PTPN2: variants seen among roughly 807,000 people sequenced by gnomAD.
PTPN2 encodes tyrosine-protein phosphatase non-receptor type 2.
In PTPN2, 19 loss-of-function variants were observed where a neutral mutation model predicts 57.3. The ratio of observed to expected loss-of-function variants is 0.33; its 90% CI spans 0.23 to 0.49. The LOEUF (loss-of-function observed/expected upper bound fraction) is 0.49. Among genes scored for constraint, PTPN2 ranks in the 20% least tolerant of loss-of-function variants. PTPN2 has a pLI of 0.99. For missense variants in PTPN2, 358 were observed against 501.1 expected, an observed-to-expected ratio of 0.71 and a Z score of 2.73; for synonymous variants, 153 against 164.9, an observed-to-expected ratio of 0.93 and a Z score of 0.55.
At chr18:12,807,908 G>T (rs548414010) in intron 7 of PTPN2, among the ~76,000 whole-genome samples, 1 of 152,154 alleles carries the variant, frequency 6.6e-6, no homozygotes, top group East Asian at 1.9e-4. Flanking sequence ...TTCAGACAGG[G>T]TGTGGTGGCT....
At chr18:12,809,260 T>C (rs2041808546) in intron 7 of PTPN2, among the ~76,000 whole-genome samples, 1 of 152,158 alleles carries the variant, frequency 6.6e-6, no homozygotes, top group African/African-American at 2.4e-5. Context: ...TTGTGATTAA[T>C]GAGATGGCAT....
At chr18:12,843,773 A>C (rs1432634563) in intron 2 of PTPN2, 8 of 152,684 alleles carry the variant, frequency 5.2e-5, no homozygotes, top group Admixed American at 2.0e-4. Flanking sequence ...CAAACTCAGA[A>C]GCATGAAAAG....
chr18:12,833,558 G>C (rs1035521971), intron 3 of PTPN2, among the ~76,000 whole-genome samples: 1 of 152,174 alleles, frequency 6.6e-6, no homozygotes, highest in African/African-American at 2.4e-5. Flanking sequence ...GAATGGGAGG[G>C]AGTTAGGGTC....
At chr18:12,862,867 A>C (rs1331699994) in intron 1 of PTPN2, 1 of 151,252 alleles carries the variant, frequency 6.6e-6, no homozygotes, top group Non-Finnish European at 1.5e-5. Context: ...CCTGGTTGTT[A>C]AATCAGCTAT....
In PTPN2 at chr18:12,884,058, G is replaced by C. The variant is rs376964593; in HGVS notation, c.69+15C>G. 5.8e-5 allele frequency: 91 copies of C among 1,564,812 alleles called. No individual in the cohort carries two copies. The highest frequency in any genetic ancestry group is 7.7e-5 in the Non-Finnish European group (89 of 1,156,466). On this transcript the variant is annotated intron_variant, in intron 1 of 8. Coordinates refer to ENST00000309660, the MANE Select transcript of PTPN2 (RefSeq NM_002828.4). ...CGGAGGAGGTCGGCGACTGCCGCGT[G>C]GGTCCGCGACTCACCAAGTACAGCG...
chr18:12,874,320 T>C (rs9961539), intron 1 of PTPN2, among the ~76,000 whole-genome samples: 47 of 104,166 alleles, frequency 4.5e-4, no homozygotes, highest in African/African-American at 1.7e-3. Flanking sequence ...AGCCCCCCGC[T>C]TGGCCAGCCG....
At chr18:12,876,870 A>G (rs2044508221) in intron 1 of PTPN2, among the ~76,000 whole-genome samples, 1 of 152,226 alleles carries the variant, frequency 6.6e-6, no homozygotes, top group African/African-American at 2.4e-5. Context: ...GACCCTACCT[A>G]TTATAACACA....
At position 12,817,141 on chromosome 18, in the gene PTPN2, G is replaced by T; in HGVS notation, c.705+15C>A. The T allele has an allele frequency of 6.2e-7, 1 of 1,601,214 alleles. No individual in the cohort carries two copies. The highest frequency in any genetic ancestry group is 8.5e-7 in the Non-Finnish European group (1 of 1,174,400). ...AAATCAATGAGATTAAAATGAGATC[G>T]TAAGAAGCACTTACCAAAACAAGAC... On this transcript the variant is annotated intron_variant, in intron 6 of 8. Coordinates refer to ENST00000309660, the MANE Select transcript of PTPN2 (RefSeq NM_002828.4).
At chr18:12,882,861 A>G (rs1598910170) in intron 1 of PTPN2, among the ~76,000 whole-genome samples, 1 of 152,366 alleles carries the variant, frequency 6.6e-6, no homozygotes, top group East Asian at 1.9e-4. Context: ...CCCGTCTTTT[A>G]CTTTACACAG....
intron 1 of PTPN2, among the ~76,000 whole-genome samples, chr18:12,875,305 A>G (rs1459421666): frequency 1.7e-5 from 2 of 120,654 alleles, no homozygotes; most frequent in African/African-American, 7.6e-5. Flanking sequence ...AATGATCAAT[A>G]AAAATAAAAA....
intron 2 of PTPN2, among the ~76,000 whole-genome samples, chr18:12,855,807 T>TA (rs1343622951): frequency 1.3e-5 from 2 of 152,204 alleles, no homozygotes; most frequent in African/African-American, 2.4e-5. Context: ...ATGGTGGAAT[T>TA]AAAAAATCCA....
chr18:12,818,588 C>T (rs1364900576), intron 5 of PTPN2, among the ~76,000 whole-genome samples: 5 of 151,852 alleles, frequency 3.3e-5, no homozygotes, highest in East Asian at 1.9e-4. Flanking sequence ...TTATACTCTT[C>T]ATTTGTGTAA....
chr18:12,820,130 G>C (rs889702883), intron 5 of PTPN2, among the ~76,000 whole-genome samples: 2 of 150,610 alleles, frequency 1.3e-5, no homozygotes, highest in Admixed American at 6.6e-5. Flanking sequence ...CAAAACTAGT[G>C]GTCTCAACTT....
intron 2 of PTPN2, among the ~76,000 whole-genome samples, chr18:12,841,884 A>C (rs1385626212): frequency 6.6e-6 from 1 of 151,312 alleles, no homozygotes; most frequent in Non-Finnish European, 1.5e-5. Flanking sequence ...TCTTCACTTT[A>C]AAATAATCAG....
At position 12,867,215 on chromosome 18, in the gene PTPN2, A is replaced by C. The variant is rs1179410774; in HGVS notation, c.70-7961T>G. Among the ~76,000 whole-genome samples the C allele has an allele frequency of 4.6e-5, 7 of 152,162 alleles. No individual in the cohort carries two copies. In the South Asian group the frequency reaches 8.3e-4, roughly 18 times the overall value. On this transcript the variant is annotated intron_variant, in intron 1 of 8. Transcript: ENST00000309660. ...GTGCCTGCAGTCCCAGCTACTTGGG[A>C]GGCAAAGCTGGGAGGATCACTTGAG...
chr18:12,883,231 G>A (rs879709514), intron 1 of PTPN2, among the ~76,000 whole-genome samples: 7 of 152,358 alleles, frequency 4.6e-5, no homozygotes, highest in South Asian at 2.1e-4. Flanking sequence ...CATGAAAGCT[G>A]CGTTTCACTG....
chr18:12,819,948 G>A (rs965518700), intron 5 of PTPN2, among the ~76,000 whole-genome samples: 3 of 152,192 alleles, frequency 2.0e-5, no homozygotes, highest in Non-Finnish European at 2.9e-5. Context: ...AGTCTGTGTG[G>A]GCCTTCATGT....
intron 1 of PTPN2, among the ~76,000 whole-genome samples, chr18:12,876,741 A>C (rs978176996): frequency 1.3e-5 from 2 of 152,226 alleles, no homozygotes; most frequent in African/African-American, 4.8e-5. Context: ...ATCACCTAGA[A>C]ACGAAATACC....
chr18:12,842,628 G>A lies in PTPN2; in HGVS notation c.161-5737C>T, dbSNP rs576412722. Among the ~76,000 whole-genome samples the A allele has an allele frequency of 3.4e-4, 52 of 152,264 alleles. No homozygotes were observed. The East Asian group carries it at 9.7e-3, about 28-fold the overall frequency. Reference sequence around the variant, plus strand: ...ACTTAAGGTGGTACATACCTAACATGTCTGAGGGACATGAAGAATGTGGCT... The same window carrying A: ...ACTTAAGGTGGTACATACCTAACATATCTGAGGGACATGAAGAATGTGGCT... On this transcript the variant is annotated intron_variant, in intron 2 of 8. Coordinates refer to ENST00000309660, the MANE Select transcript of PTPN2 (RefSeq NM_002828.4).
Sources: gnomAD v4.1 joint callset for allele counts (sites outside exome capture counted in the v4.1 genomes callset) on GRCh38, gnomAD v4.1.1 for gene constraint, MANE v1.5 for transcripts, NCBI Gene and HGNC (gene_info 2026-07-23, HGNC 2026-07-21) for gene names.